ANKRD11: variants seen among roughly 807,000 people sequenced by gnomAD.
ANKRD11 encodes the protein ankyrin repeat domain-containing protein 11.
In ANKRD11, 17 loss-of-function variants were observed where a neutral mutation model predicts 195.7. The ratio of observed to expected loss-of-function variants is 0.09; its 90% CI spans 0.06 to 0.13. The LOEUF (loss-of-function observed/expected upper bound fraction) is 0.13. ANKRD11 is among the 10% of genes least tolerant of loss of function. The pLI is 1.00. For missense variants in ANKRD11, 3,735 were observed against 3,566.1 expected, an observed-to-expected ratio of 1.05 and a Z score of -1.21; for synonymous variants, 1,953 against 1,528.1, an observed-to-expected ratio of 1.28 and a Z score of -6.49.
chr16:89,294,094 C>T (rs1330762449), intron 4 of ANKRD11, among the ~76,000 whole-genome samples: 3 of 152,152 alleles, frequency 2.0e-5, no homozygotes, highest in Non-Finnish European at 4.4e-5. Context: ...AGGGCCTGAG[C>T]CTCAGGGTCA....
At chr16:89,458,794 C>A (rs966531975) in intron 1 of ANKRD11, 15 of 152,286 alleles carry the variant, frequency 9.8e-5, no homozygotes, top group African/African-American at 3.6e-4. Flanking sequence ...CTGGCCACTG[C>A]GTGCCCTAGG....
chr16:89,294,470 G>C (rs1168525002), intron 4 of ANKRD11, among the ~76,000 whole-genome samples: 2 of 152,150 alleles, frequency 1.3e-5, no homozygotes, highest in Non-Finnish European at 2.9e-5. Flanking sequence ...GCAGCTACGA[G>C]CATCTACAAC....
intron 1 of ANKRD11, among the ~76,000 whole-genome samples, chr16:89,427,604 C>G (rs1476759420): frequency 6.6e-6 from 1 of 152,096 alleles, no homozygotes. Flanking sequence ...TGAGACCAGC[C>G]TGGCCAACAT....
intron 1 of ANKRD11, among the ~76,000 whole-genome samples, chr16:89,471,180 C>G (rs2057072161): frequency 6.6e-6 from 1 of 151,638 alleles, no homozygotes; most frequent in Non-Finnish European, 1.5e-5. Context: ...AGTGAGACCC[C>G]ACCTCTGTTT....
chr16:89,404,452 A>C (rs1333246418), intron 2 of ANKRD11, among the ~76,000 whole-genome samples: 1 of 152,214 alleles, frequency 6.6e-6, no homozygotes, highest in Non-Finnish European at 1.5e-5. Context: ...CTCTGCTTTT[A>C]AAGGATTAAT....
At chr16:89,442,610 G>C (rs530864269) in intron 1 of ANKRD11, among the ~76,000 whole-genome samples, 7 of 152,268 alleles carry the variant, frequency 4.6e-5, no homozygotes, top group Admixed American at 2.0e-4. Flanking sequence ...ACGCATCAAA[G>C]ACTCATTTCC....
intron 2 of ANKRD11, among the ~76,000 whole-genome samples, chr16:89,330,904 C>A (rs1024511577): frequency 4.6e-5 from 7 of 152,080 alleles, no homozygotes; most frequent in African/African-American, 1.7e-4. Context: ...CTAGTTAGTG[C>A]CATATGCCCT....
At chr16:89,397,359 AT>A (rs1309295078) in intron 2 of ANKRD11, among the ~76,000 whole-genome samples, 1 of 152,226 alleles carries the variant, frequency 6.6e-6, no homozygotes, top group Admixed American at 6.5e-5. Flanking sequence ...CTGGATGCGC[AT>A]TTACAAAATC....
At chr16:89,314,161 C>T (rs1205988674) in intron 3 of ANKRD11, among the ~76,000 whole-genome samples, 3 of 151,762 alleles carry the variant, frequency 2.0e-5, no homozygotes, top group Non-Finnish European at 4.4e-5. Flanking sequence ...GGCAGTGGGG[C>T]AGGGTGGGGG....
chr16:89,270,948 A>C (rs1395860836), intron 11 of ANKRD11, 39 bp from the exon 12 acceptor site: 1 of 1,602,880 alleles, frequency 6.2e-7, no homozygotes, highest in South Asian at 1.1e-5. Flanking sequence ...CAGGAGCCCC[A>C]GAGACCGCTA....
chr16:89,365,351 C>T (rs2039900211), intron 2 of ANKRD11, among the ~76,000 whole-genome samples: 2 of 152,186 alleles, frequency 1.3e-5, no homozygotes, highest in Admixed American at 6.5e-5. Context: ...CCTTAAAGAG[C>T]ATGAGGCCAA....
chr16:89,433,657 G>C (rs372877374), intron 1 of ANKRD11, among the ~76,000 whole-genome samples: 48 of 149,778 alleles, frequency 3.2e-4, no homozygotes, highest in Admixed American at 4.6e-4. Context: ...CCACCTTCAC[G>C]AGAGTAAGAG....
At chr16:89,292,838 G>A (rs534505748) in intron 4 of ANKRD11, among the ~76,000 whole-genome samples, 9 of 152,338 alleles carry the variant, frequency 5.9e-5, no homozygotes, top group East Asian at 1.9e-4. Flanking sequence ...GGTCACAGGC[G>A]CTTGGCTGTG....
In ANKRD11 at chr16:89,306,841, TTACCTCCCACTCCGCAGACAC is replaced by T. The variant is rs2036302049; in HGVS notation, c.88-1518_88-1498del. Among the ~76,000 whole-genome samples, 5 of 7,626 alleles carry T rather than the reference TTACCTCCCACTCCGCAGACAC, an allele frequency of 6.6e-4. No homozygotes were observed. In the East Asian group the frequency reaches 0.012, roughly 18 times the overall value. 5.0% of individuals were successfully genotyped at this position (7,626 alleles called of 152,430 possible). On this transcript the variant is annotated intron_variant, in intron 3 of 12. Coordinates refer to ENST00000301030, the MANE Select transcript of ANKRD11 (RefSeq NM_013275.6). ...CTCCCATTCCACAGACACGCGCCAC[TTACCTCCCACTCCGCAGACAC>T]GCGCCACCTCCCACTCCACAGACAC...
intron 2 of ANKRD11, among the ~76,000 whole-genome samples, chr16:89,391,099 G>A (rs531964404): frequency 7.8e-4 from 119 of 152,010 alleles, no homozygotes; most frequent in Non-Finnish European, 1.4e-3. Flanking sequence ...GCGGTGGTGG[G>A]CGCCTGTAGT....
At chr16:89,393,097 C>A (rs2041268698) in intron 2 of ANKRD11, among the ~76,000 whole-genome samples, 1 of 152,060 alleles carries the variant, frequency 6.6e-6, no homozygotes, top group African/African-American at 2.4e-5. Flanking sequence ...CACGGTCTCC[C>A]TCCCTCTTCT....
In ANKRD11 at chr16:89,281,433, C is replaced by A. The variant is rs369357756; in HGVS notation, c.5109G>T (p.Val1703=). The change falls in exon 9 of 13, where the codon GTG becomes GTT. Residue 1703 remains valine, a synonymous_variant. Transcript: ENST00000301030. The surrounding 1 kb of genome is among the most constrained non-coding windows in gnomAD (Gnocchi z 5.5). ...PRPDQSRPTG[V]PTPTSVLSCP... is the part of the protein sequence containing the mutation. ...AGGATAGCACCGACGTAGGGGTGGG[C>A]ACGCCAGTGGGCCGGCTCTGGTCAG... 1 of 1,612,712 alleles carries A rather than the reference C, an allele frequency of 6.2e-7. No individual in the cohort carries two copies. Among genetic ancestry groups the A allele is most frequent in the African/African-American group, 1.3e-5 (1 of 74,864 alleles).
Position 89,284,868 on chromosome 16 carries a change from A to T in ANKRD11, c.1674T>A (p.Ala558=). The part of the protein sequence containing the change: ...TDNWKTISSP[A]WSEVSSLSDS... Reference sequence around the variant, plus strand: ...CTGATAAAGAACTGACCTCTGACCAAGCCGGGGAAGAAATGGTTTTCCAAT... The same window carrying T: ...CTGATAAAGAACTGACCTCTGACCATGCCGGGGAAGAAATGGTTTTCCAAT... Residue 558 remains alanine (A), a synonymous_variant, in exon 9 of 13, where the codon GCT becomes GCA. Coordinates refer to ENST00000301030, the MANE Select transcript of ANKRD11 (RefSeq NM_013275.6). 1 of 1,614,080 alleles carries T rather than the reference A, an allele frequency of 6.2e-7. No homozygotes were observed. Among genetic ancestry groups the T allele is most frequent in the Non-Finnish European group, 8.5e-7 (1 of 1,180,036 alleles).
intron 2 of ANKRD11, chr16:89,320,174 G>C (rs2037218002): frequency 6.6e-6 from 1 of 152,298 alleles, no homozygotes; most frequent in Admixed American, 6.5e-5. Context: ...AACAGTCCTT[G>C]AAGCTGGGAG....
Sources: allele counts gnomAD v4.1 joint callset (sites outside exome capture counted in the v4.1 genomes callset), GRCh38; gene constraint gnomAD v4.1.1; non-coding constraint Gnocchi (gnomAD v3.1); transcripts MANE v1.5; gene names NCBI Gene and HGNC (gene_info 2026-07-23, HGNC 2026-07-21).